The following MIPOL1 variants were observed in gnomAD, a reference collection of about 807,000 sequenced individuals.
MIPOL1 encodes the protein mirror-image polydactyly gene 1 protein.
MIPOL1 carries 57 observed loss-of-function variants against 60.9 expected under a neutral mutation model. The ratio of observed to expected loss-of-function variants is 0.94; its 90% confidence interval spans 0.76 to 1.17. MIPOL1 has a LOEUF of 1.17. Among genes scored for constraint, MIPOL1 ranks in the 50% most tolerant of loss-of-function variants. The probability of loss-of-function intolerance (pLI) is 0.00; values close to 1 mark genes in which losing one functional copy is unlikely to be tolerated. For missense variants in MIPOL1, 551 were observed against 511.6 expected, an observed-to-expected ratio of 1.08 and a Z score of -0.74; for synonymous variants, 179 against 168.8, an observed-to-expected ratio of 1.06 and a Z score of -0.47.
chr14:37,304,253 T>C (rs1411728980), intron 7 of MIPOL1, among the ~76,000 whole-genome samples: 1 of 151,816 alleles, frequency 6.6e-6, no homozygotes, highest in African/African-American at 2.4e-5. Flanking sequence ...ATCTACATTG[T>C]ATCTCTGTTA....
At chr14:37,424,104 C>A (rs1483886450) in intron 11 of MIPOL1, among the ~76,000 whole-genome samples, 1 of 152,104 alleles carries the variant, frequency 6.6e-6, no homozygotes, top group Admixed American at 6.6e-5. Context: ...AGATATAATT[C>A]TTTCCCATCC....
intron 1 of MIPOL1, among the ~76,000 whole-genome samples, chr14:37,206,695 G>T (rs1389828031): frequency 6.6e-6 from 1 of 152,194 alleles, no homozygotes; most frequent in Admixed American, 6.5e-5. Context: ...AAAGCCACAG[G>T]GGCAGAGCTG....
chr14:37,470,848 G>A (rs969743771), intron 11 of MIPOL1, among the ~76,000 whole-genome samples: 1 of 152,084 alleles, frequency 6.6e-6, no homozygotes. Flanking sequence ...AGGGAAAAAA[G>A]GCATTTCTAG....
intron 11 of MIPOL1, among the ~76,000 whole-genome samples, chr14:37,456,452 A>G (rs1053047060): frequency 6.6e-6 from 1 of 152,108 alleles, no homozygotes; most frequent in Non-Finnish European, 1.5e-5. Context: ...TATTGTACCT[A>G]TGAATTTTTC....
At chr14:37,350,925 T>C (rs1567590048) in intron 9 of MIPOL1, among the ~76,000 whole-genome samples, 1 of 152,190 alleles carries the variant, frequency 6.6e-6, no homozygotes, top group Non-Finnish European at 1.5e-5. Context: ...TTTTAAATTA[T>C]ACTTTAAGTT....
At chr14:37,494,071 G>A (rs1420436673) in intron 11 of MIPOL1, among the ~76,000 whole-genome samples, 1 of 152,158 alleles carries the variant, frequency 6.6e-6, no homozygotes, top group African/African-American at 2.4e-5. Context: ...AAGTACTAAA[G>A]CAAAAATTGT....
At chr14:37,232,418 A>AT (rs34166183) in intron 1 of MIPOL1, among the ~76,000 whole-genome samples, 1 of 152,082 alleles carries the variant, frequency 6.6e-6, no homozygotes, top group East Asian at 1.9e-4. Flanking sequence ...TTTGTCTCAC[A>AT]TTTTTTCTCA....
intron 3 of MIPOL1, among the ~76,000 whole-genome samples, chr14:37,257,536 A>AT (rs1027703516): frequency 3.9e-5 from 6 of 152,114 alleles, no homozygotes; most frequent in Non-Finnish European, 7.4e-5. Context: ...CCATCTTGAC[A>AT]TTTTTTATCT....
At chr14:37,267,317 G>C (rs2082952333) in intron 4 of MIPOL1, 148 bp downstream of exon 4, 1 of 592,590 alleles carries the variant, frequency 1.7e-6, no homozygotes, top group Admixed American at 2.9e-5. Context: ...GTGAAACCCT[G>C]TCTCTACTGA....
Position 37,479,581 on chromosome 14 carries a change from A to G in MIPOL1, c.1032-20327A>G, listed in dbSNP as rs538670249. ...TTTTACAGCAATAAATGCCCATATC[A>G]AAAAAGAAGACATATTTCAAATAAG... On this transcript the variant is annotated intron_variant, in intron 11 of 12. Coordinates refer to ENST00000684589, the MANE Select transcript of MIPOL1 (RefSeq NM_001388067.1). Among the ~76,000 whole-genome samples, 4 of 152,256 alleles carry G rather than the reference A, an allele frequency of 2.6e-5. No homozygotes were observed. In the South Asian group the frequency reaches 8.3e-4, roughly 32 times the overall value.
At chr14:37,411,301 C>G (rs1171260303) in intron 10 of MIPOL1, among the ~76,000 whole-genome samples, 1 of 152,138 alleles carries the variant, frequency 6.6e-6, no homozygotes, top group East Asian at 1.9e-4. Context: ...CACATGATTT[C>G]TTTCACACAA....
chr14:37,218,102 T>C (rs542625617), intron 1 of MIPOL1, among the ~76,000 whole-genome samples: 1 of 152,270 alleles, frequency 6.6e-6, no homozygotes. Context: ...TTTCTGTTAC[T>C]GATTTCTAGT....
At chr14:37,360,617 A>C (rs942738360) in intron 9 of MIPOL1, among the ~76,000 whole-genome samples, 2 of 152,108 alleles carry the variant, frequency 1.3e-5, no homozygotes, top group African/African-American at 4.8e-5. Context: ...AGGTTTTTAT[A>C]GTATTCTCTG....
chr14:37,419,048 G>T (rs34781514), intron 10 of MIPOL1, among the ~76,000 whole-genome samples: 34,465 of 151,814 alleles, frequency 0.23, 4,437 homozygotes, highest in South Asian at 0.36. Flanking sequence ...CCTCTATGTC[G>T]ATATTTATAG....
In MIPOL1 at chr14:37,285,362, G is replaced by C; in HGVS notation, c.538G>C (p.Ala180Pro). 1 of 1,613,970 alleles carries C rather than the reference G, an allele frequency of 6.2e-7. No individual in the cohort carries two copies. Among genetic ancestry groups the C allele is most frequent in the Non-Finnish European group, 8.5e-7 (1 of 1,179,966 alleles). ...TTTTGCGCAGAAGGAACGTGATGAA[G>C]CTGTTATGTCTAGACTGCAATTAGC... Reference protein sequence around the residue: ...VYFAQKERDEAVMSRLQLAIE... With the variant: ...VYFAQKERDEPVMSRLQLAIE... The change falls in exon 7 of 13, where the codon GCT becomes CCT. Residue 180 changes from alanine (A) to proline (P), a missense_variant. Physicochemically the swap from Ala to Pro is conservative, Grantham distance 27. Coordinates refer to ENST00000684589, the MANE Select transcript of MIPOL1 (RefSeq NM_001388067.1).
At chr14:37,479,841 A>C (rs554786541) in intron 11 of MIPOL1, among the ~76,000 whole-genome samples, 11 of 152,228 alleles carry the variant, frequency 7.2e-5, no homozygotes, top group African/African-American at 2.4e-4. Flanking sequence ...AAAAATCAGA[A>C]ATGAAAGAGG....
At chr14:37,239,293 C>T (rs1971997006) in intron 1 of MIPOL1, among the ~76,000 whole-genome samples, 1 of 152,032 alleles carries the variant, frequency 6.6e-6, no homozygotes, top group Admixed American at 6.6e-5. Flanking sequence ...GATCCACCCA[C>T]CTCAGCCTCC....
intron 11 of MIPOL1, among the ~76,000 whole-genome samples, chr14:37,425,942 G>A (rs2093953246): frequency 6.6e-6 from 1 of 152,132 alleles, no homozygotes; most frequent in Admixed American, 6.6e-5. Context: ...TAATTAGGAG[G>A]TAAAGAAGCA....
chr14:37,301,196 CTCTT>C lies in MIPOL1; in HGVS notation c.624-6859_624-6856del, dbSNP rs1416998778. Among the ~76,000 whole-genome samples the C allele has an allele frequency of 1.3e-4, 2 of 15,228 alleles. 1 individual carries two copies. Among genetic ancestry groups the C allele is most frequent in the African/African-American group, 1.7e-4 (2 of 12,042 alleles). The allele number at this position is 15,228 out of a possible 152,430, so 10.0% of individuals were successfully genotyped here. On this transcript the variant is annotated intron_variant, in intron 7 of 12. Transcript: ENST00000684589. ...CTAACTGATGTATACATACACATAT[CTCTT>C]ATTTATGCATCTATCCGTTTGTATC...
Sources: allele counts gnomAD v4.1 joint callset (sites outside exome capture counted in the v4.1 genomes callset), GRCh38; gene constraint gnomAD v4.1.1; transcripts MANE v1.5; gene names NCBI Gene and HGNC (gene_info 2026-07-23, HGNC 2026-07-21).